The following GATD1 variants were observed in gnomAD, a reference collection of about 807,000 sequenced individuals.
GATD1 encodes the protein glutamine amidotransferase-like class 1 domain-containing protein 1.
GATD1 carries 23 observed loss-of-function variants against 25.9 expected under a neutral mutation model. The observed-to-expected ratio is 0.89, with a 90% CI of 0.64 to 1.26. The LOEUF (loss-of-function observed/expected upper bound fraction) is 1.26, where lower values mean the gene tolerates loss of function less well. Ranked by LOEUF, GATD1 falls within the 50% of genes most tolerant of loss-of-function variation. The pLI, the probability that GATD1 is intolerant of heterozygous loss-of-function variation, is 0.00. For missense variants in GATD1, 347 were observed against 312.5 expected, an observed-to-expected ratio of 1.11 and a Z score of -0.83; for synonymous variants, 177 against 134.6, an observed-to-expected ratio of 1.31 and a Z score of -2.18.
At chr11:771,654 G>A (rs767992129) in intron 5 of GATD1, among the ~76,000 whole-genome samples, 6 of 152,174 alleles carry the variant, frequency 3.9e-5, no homozygotes, top group Admixed American at 6.5e-5. Context: ...ACAGGAGGAC[G>A]GGCCAGCTCC....
At chr11:771,131 C>A in intron 6 of GATD1, 27 bp from the exon 7 acceptor site, 1 of 1,563,392 alleles carries the variant, frequency 6.4e-7, no homozygotes, top group South Asian at 1.2e-5. Context: ...GCACCAACCT[C>A]AGGCAATGTC....
intron 6 of GATD1, 59 bp from the exon 7 acceptor site, chr11:771,163 C>A: frequency 6.5e-7 from 1 of 1,547,722 alleles, no homozygotes; most frequent in South Asian, 1.2e-5. Flanking sequence ...CTGAGAGCCT[C>A]GAACTCCAGG....
Position 770,265 on chromosome 11 carries a change from A to G in GATD1, c.*632T>C, listed in dbSNP as rs2133607489. The G allele has an allele frequency of 1.4e-6, 2 of 1,449,018 alleles. No individual in the cohort carries two copies. The highest frequency in any genetic ancestry group is 1.4e-5 in the African/African-American group (1 of 70,410). The allele number at this position is 1,449,018 out of a possible 1,614,324, so 89.8% of individuals were successfully genotyped here. On this transcript the variant is annotated 3_prime_UTR_variant, in exon 8 of 8. Transcript: ENST00000319863. ...ATCTCATGGTCTCATATTCACAAGT[A>G]AACGTGCCTCTCAATGCTTAGGACA...
At position 773,504 on chromosome 11, in the gene GATD1, G is replaced by A. The variant is rs761267372; in HGVS notation, c.355+18C>T. ...ACTGCACATCCAACCCCTCCCCTGGGTCCCAGGGGTCACCTACTGCTCTCA... is the reference window on the plus strand; with the variant it reads ...ACTGCACATCCAACCCCTCCCCTGGATCCCAGGGGTCACCTACTGCTCTCA... On this transcript the variant is annotated intron_variant, in intron 4 of 7. Transcript: ENST00000319863. The A allele has an allele frequency of 6.3e-7, 1 of 1,598,146 alleles. No individual in the cohort carries two copies. The highest frequency in any genetic ancestry group is 1.3e-5 in the African/African-American group (1 of 74,652).
chr11:771,060 C>T lies in GATD1; in HGVS notation c.589G>A (p.Val197Ile), dbSNP rs1863387485. 1.2e-6 allele frequency: 2 copies of T among 1,611,794 alleles called. No homozygotes were observed. Among genetic ancestry groups the T allele is most frequent in the African/African-American group, 2.7e-5 (2 of 74,920 alleles). Residue 197 changes from valine (V) to isoleucine (I), a missense_variant, in exon 7 of 8, where the codon GTC (valine) becomes ATC (isoleucine). Val to Ile is a conservative substitution (Grantham distance 29, BLOSUM62 3). Transcript: ENST00000319863. ...AVHVVLDRHL[V>I]TGQNASSTVP... is the part of the protein sequence containing the mutation. Reference sequence around the variant, plus strand: ...GTGGAGCTGGCATTCTGGCCTGTGACCAGGTGGCGGTCCAGCACGACGTGG... The same window carrying T: ...GTGGAGCTGGCATTCTGGCCTGTGATCAGGTGGCGGTCCAGCACGACGTGG...
Position 770,735 on chromosome 11 carries a change from C to G in GATD1, c.*162G>C. On this transcript the variant is annotated 3_prime_UTR_variant, in exon 8 of 8. Coordinates refer to ENST00000319863, the MANE Select transcript of GATD1 (RefSeq NM_182612.4). The stretch of plus-strand genomic sequence containing the variant: ...CCCTCCAGGAGAGCCGACACCCCCT[C>G]AGAGCTGATTCCAGGAGGCCTCCAA... 3 of 1,486,662 alleles carry G rather than the reference C, an allele frequency of 2.0e-6. No individual in the cohort carries two copies. The highest frequency in any genetic ancestry group is 2.7e-6 in the Non-Finnish European group (3 of 1,125,034). 92.1% of individuals were successfully genotyped at this position (1,486,662 alleles called of 1,614,324 possible).
chr11:772,684 C>T, intron 4 of GATD1, 163 bp from the exon 5 acceptor site: 2 of 638,082 alleles, frequency 3.1e-6, no homozygotes, highest in South Asian at 3.6e-5. Flanking sequence ...TGTCCTGGCT[C>T]AGCCCGCACA....
Position 775,136 on chromosome 11 carries a change from GAC to G in GATD1, c.69_70del (p.Ser24GlyfsTer34). 1.2e-6 allele frequency: 2 copies of G among 1,601,080 alleles called. No homozygotes were observed. The highest frequency in any genetic ancestry group is 1.7e-6 in the Non-Finnish European group (2 of 1,175,152). On this transcript the variant is annotated frameshift_variant, in exon 2 of 8. Transcript: ENST00000319863. LOFTEE classifies it high-confidence loss of function. ...GAAACAGTGGAGGAAGGACTGGGCC[GAC>G]ACACCTGCAGAAGGTCCCAGTGAGT...
chr11:769,251 G>C lies in GATD1; in HGVS notation c.*1646C>G. On this transcript the variant is annotated 3_prime_UTR_variant, in exon 8 of 8. Transcript: ENST00000319863. The stretch of plus-strand genomic sequence containing the variant: ...AGGCACTGGAGGGACGCAGCCTTCA[G>C]GGCGGGGATGTGGCTGCAGCGCTTC... 1 of 985,486 alleles carries C rather than the reference G, an allele frequency of 1.0e-6. No homozygotes were observed. Among genetic ancestry groups the C allele is most frequent in the Non-Finnish European group, 1.2e-6 (1 of 829,952 alleles). The allele number at this position is 985,486 out of a possible 1,614,324, so 61.0% of individuals were successfully genotyped here.
In GATD1 at chr11:768,024, T is replaced by C. The variant is rs1863153220; in HGVS notation, c.*2873A>G. 1 of 151,630 alleles carries C rather than the reference T, an allele frequency of 6.6e-6. No individual in the cohort carries two copies. The highest frequency in any genetic ancestry group is 2.4e-5 in the African/African-American group (1 of 41,244). 9.4% of individuals were successfully genotyped at this position (151,630 alleles called of 1,614,324 possible). ...CACCACCGCGCCCGGCTAATTTCTG[T>C]ATTTTTAGTAGAGACGGGGTTTCAC... On this transcript the variant is annotated 3_prime_UTR_variant, in exon 8 of 8. Coordinates refer to ENST00000319863, the MANE Select transcript of GATD1 (RefSeq NM_182612.4).
At position 767,448 on chromosome 11, in the gene GATD1, CA is replaced by C; in HGVS notation, c.*3448del. 2.7e-6 allele frequency: 4 copies of C among 1,470,218 alleles called. No homozygotes were observed. The South Asian group carries it at 5.4e-5, about 20-fold the overall frequency. 91.1% of individuals were successfully genotyped at this position (1,470,218 alleles called of 1,614,324 possible). A position where few individuals can be genotyped will look rare whatever the true frequency, so the allele number is the denominator to read the frequency against. ...CCTCGCACGCAGCTGAGGAATGACG[CA>C]GGGGCCTGCAGGCAGCTCACGCGGA... On this transcript the variant is annotated 3_prime_UTR_variant, in exon 8 of 8. Transcript: ENST00000319863.
intron 2 of GATD1, 52 bp from the exon 3 acceptor site, chr11:774,165 C>T (rs1241536206): frequency 5.9e-6 from 9 of 1,512,834 alleles, no homozygotes; most frequent in South Asian, 2.3e-5. Context: ...ATATCCCTGT[C>T]GGCTCAGAGG....
intron 1 of GATD1, among the ~76,000 whole-genome samples, chr11:775,976 CTTTTTTTT>C (rs71022972): frequency 1.4e-3 from 99 of 72,290 alleles, no homozygotes; most frequent in African/African-American, 5.3e-3. Flanking sequence ...TATCTTCATT[CTTTTTTTT>C]TTTTTTTTTT....
chr11:770,139 CCAGGT>C lies in GATD1; in HGVS notation c.*753_*757del, dbSNP rs1271271923. 1 of 1,246,606 alleles carries C rather than the reference CCAGGT, an allele frequency of 8.0e-7. No individual in the cohort carries two copies. The highest frequency in any genetic ancestry group is 3.9e-5 in the Admixed American group (1 of 25,638). 77.2% of individuals were successfully genotyped at this position (1,246,606 alleles called of 1,614,324 possible). On this transcript the variant is annotated 3_prime_UTR_variant, in exon 8 of 8. Coordinates refer to ENST00000319863, the MANE Select transcript of GATD1 (RefSeq NM_182612.4). ...GCCCGCTGGAGGGCCACAGCCCAGG[CCAGGT>C]GCCCAGCAGGCTGGACCACTGTCTG...
At position 777,266 on chromosome 11, in the gene GATD1, C is replaced by G. The variant is rs938124051; in HGVS notation, c.64+133G>C. The G allele has an allele frequency of 1.6e-5, 9 of 553,950 alleles. No individual in the cohort carries two copies. The African/African-American group carries it at 1.8e-4, about 11-fold the overall frequency. The allele number at this position is 553,950 out of a possible 1,614,324, so 34.3% of individuals were successfully genotyped here. ...CGACCCCGCTCCGCCCTCCCCCGGCCCCTGCCCGGCGCCCCCAGCGGCCTC... is the reference window on the plus strand; with the variant it reads ...CGACCCCGCTCCGCCCTCCCCCGGCGCCTGCCCGGCGCCCCCAGCGGCCTC... On this transcript the variant is annotated intron_variant, in intron 1 of 7. Transcript: ENST00000319863.
At position 772,418 on chromosome 11, in the gene GATD1, G is replaced by A. The variant is rs200468529; in HGVS notation, c.450+9C>T. The A allele has an allele frequency of 6.2e-7, 1 of 1,612,272 alleles. No individual in the cohort carries two copies. Among genetic ancestry groups the A allele is most frequent in the African/African-American group, 1.3e-5 (1 of 74,660 alleles). On this transcript the variant is annotated intron_variant, in intron 5 of 7. Transcript: ENST00000319863. Reference sequence around the variant, plus strand: ...GGAGCACAGCGTGCCTCGGCCTCCAGACACTCACCCCTGTCAGGCTGTAGC... The same window carrying A: ...GGAGCACAGCGTGCCTCGGCCTCCAAACACTCACCCCTGTCAGGCTGTAGC...
intron 3 of GATD1, 27 bp downstream of exon 3, chr11:773,981 C>A (rs778500069): frequency 1.9e-6 from 3 of 1,605,528 alleles, no homozygotes; most frequent in East Asian, 2.2e-5. Flanking sequence ...AGGCACCCCA[C>A]CCCCAAGGAG....
At position 767,564 on chromosome 11, in the gene GATD1, C is replaced by T. The variant is rs1003763792; in HGVS notation, c.*3333G>A. 7.1e-7 allele frequency: 1 copy of T among 1,416,698 alleles called. No individual in the cohort carries two copies. Among genetic ancestry groups the T allele is most frequent in the Non-Finnish European group, 9.2e-7 (1 of 1,090,730 alleles). 87.8% of individuals were successfully genotyped at this position (1,416,698 alleles called of 1,614,324 possible). ...TTCAATGCTGGGCTCAATGTCAGAT[C>T]TGGCTGACCAGAGGGGCTCAATGAG... On this transcript the variant is annotated 3_prime_UTR_variant, in exon 8 of 8. Transcript: ENST00000319863.
chr11:769,991 A>C lies in GATD1; in HGVS notation c.*906T>G. 4.8e-6 allele frequency: 5 copies of C among 1,035,630 alleles called. No homozygotes were observed. The highest frequency in any genetic ancestry group is 7.5e-5 in the East Asian group (1 of 13,262). 64.2% of individuals were successfully genotyped at this position (1,035,630 alleles called of 1,614,324 possible). On this transcript the variant is annotated 3_prime_UTR_variant, in exon 8 of 8. Transcript: ENST00000319863. ...CCAGGAGCCACGCTGGTGCTTGGGA[A>C]CGGCTGTGGCTGAGACGGGGAGGTG... is the stretch of plus-strand genomic sequence containing the variant.
Sources: gnomAD v4.1 joint callset for allele counts (sites outside exome capture counted in the v4.1 genomes callset) on GRCh38, gnomAD v4.1.1 for gene constraint, MANE v1.5 for transcripts, NCBI Gene and HGNC (gene_info 2026-07-23, HGNC 2026-07-21) for gene names.